Variants in RASA3 observed in about 807,000 individuals in gnomAD.
RASA3 encodes RAS p21 protein activator 3, also known as ras GTPase-activating protein 3.
RASA3 carries 73 observed loss-of-function variants against 110.0 expected under a neutral mutation model. That is an observed-to-expected ratio of 0.66 (90% CI 0.55 to 0.81). The LOEUF is 0.81. Ranked by LOEUF, RASA3 falls within the 30% of genes least tolerant of loss-of-function variation. The pLI is 0.00. For missense variants in RASA3, 976 were observed against 1,113.2 expected (o/e 0.88, Z 1.75); for synonymous variants, 500 against 451.4 (o/e 1.11, Z -1.37).
intron 1 of RASA3, among the ~76,000 whole-genome samples, chr13:114,076,550 A>ACACACGCAG (rs914026907): frequency 2.6e-5 from 4 of 151,356 alleles, no homozygotes; most frequent in African/African-American, 9.7e-5. Flanking sequence ...AGCACCGCAC[A>ACACACGCAG]CACACGCAGC....
rs1259191953 is a variant in RASA3, at chr13:114,048,596, C to T, written c.277+3456G>A. 2.6e-5 allele frequency among the ~76,000 whole-genome samples: 4 copies of T among 152,220 alleles called. No individual in the cohort carries two copies. Among genetic ancestry groups the T allele is most frequent in the Non-Finnish European group, 5.9e-5 (4 of 68,048 alleles). The stretch of plus-strand genomic sequence containing the variant: ...GGGGAGCCATAGTTTCCGGTCTGTG[C>T]TCTGTGAGGGCAGCGCCCGGCAGCC... On this transcript the variant is annotated intron_variant, in intron 3 of 23. Coordinates refer to ENST00000334062, the MANE Select transcript of RASA3 (RefSeq NM_007368.4). The surrounding 1 kb of genome is among the most constrained non-coding windows in gnomAD (Gnocchi z 4.3).
intron 7 of RASA3, among the ~76,000 whole-genome samples, chr13:114,025,612 TATCACCAGCTG>T (rs1259903436): frequency 6.6e-6 from 1 of 152,286 alleles, no homozygotes; most frequent in African/African-American, 2.4e-5. Context: ...TGCCACATCT[TATCACCAGCTG>T]ATCACCAGCA....
intron 1 of RASA3, among the ~76,000 whole-genome samples, chr13:114,106,224 G>T (rs1418008530): frequency 6.6e-6 from 1 of 152,008 alleles, no homozygotes; most frequent in African/African-American, 2.4e-5. Flanking sequence ...GTTTAATATT[G>T]AATATGTGTG....
In RASA3 at chr13:114,092,806, G is replaced by A. The variant is rs567293110; in HGVS notation, c.56-18969C>T. ...GTATTACAGTCTGTCTCTCTCTTTA[G>A]ATATATTAATATTTGCTTTATATAT... On this transcript the variant is annotated intron_variant, in intron 1 of 23. Transcript: ENST00000334062. Among the ~76,000 whole-genome samples the A allele has an allele frequency of 4.6e-5, 7 of 152,274 alleles. No individual in the cohort carries two copies. In the South Asian group the frequency reaches 1.4e-3, roughly 32 times the overall value.
chr13:114,059,782 C>T (rs1482556856), intron 2 of RASA3, among the ~76,000 whole-genome samples: 1 of 152,242 alleles, frequency 6.6e-6, no homozygotes, highest in Non-Finnish European at 1.5e-5. Context: ...CCCCGCCAGG[C>T]GTGGCTCACT....
Position 114,093,516 on chromosome 13 carries a change from G to T in RASA3, c.56-19679C>A, listed in dbSNP as rs567305390. Among the ~76,000 whole-genome samples the T allele has an allele frequency of 2.6e-5, 4 of 152,200 alleles. No homozygotes were observed. The East Asian group carries it at 5.8e-4, about 22-fold the overall frequency. Reference sequence around the variant, plus strand: ...TCTCTTTGATCTTTGAGAGTTTTTTGATTATAGTATGTCTTATTCTTATTT... The same window carrying T: ...TCTCTTTGATCTTTGAGAGTTTTTTTATTATAGTATGTCTTATTCTTATTT... On this transcript the variant is annotated intron_variant, in intron 1 of 23. Coordinates refer to ENST00000334062, the MANE Select transcript of RASA3 (RefSeq NM_007368.4).
At chr13:113,993,920 C>T (rs1364750744) in intron 21 of RASA3, among the ~76,000 whole-genome samples, 7 of 152,002 alleles carry the variant, frequency 4.6e-5, no homozygotes, top group Non-Finnish European at 1.0e-4. Flanking sequence ...CATTTGCACG[C>T]AGGTGCAACC....
At position 114,024,963 on chromosome 13, in the gene RASA3, C is replaced by A. The variant is rs527746363; in HGVS notation, c.604-608G>T. Among the ~76,000 whole-genome samples the A allele has an allele frequency of 3.4e-3, 520 of 152,302 alleles. 5 individuals carry two copies. The highest frequency in any genetic ancestry group is 0.02 in the Middle Eastern group (6 of 294). ...GTGAAGGGTCGAGGCTCCGGGACCG[C>A]CCCCCGCCAGCCAGCAGGGCCCTTG... On this transcript the variant is annotated intron_variant, in intron 7 of 23. Coordinates refer to ENST00000334062, the MANE Select transcript of RASA3 (RefSeq NM_007368.4).
At chr13:114,117,236 T>C (rs1248370829) in intron 1 of RASA3, among the ~76,000 whole-genome samples, 3 of 88,306 alleles carry the variant, frequency 3.4e-5, no homozygotes, top group South Asian at 4.1e-4. Flanking sequence ...GGTGCATGTG[T>C]GTGAGGGGTG....
At position 114,018,219 on chromosome 13, in the gene RASA3, C is replaced by T; in HGVS notation, c.976G>A (p.Glu326Lys). 1.9e-6 allele frequency: 3 copies of T among 1,553,844 alleles called. No homozygotes were observed. The highest frequency in any genetic ancestry group is 2.6e-6 in the Non-Finnish European group (3 of 1,149,050). Residue 326 changes from glutamate to lysine, a missense_variant, in exon 11 of 24, where the codon GAG (glutamate) becomes AAG (lysine). This residue lies in a region of RASA3 where 732 missense variants were observed against 779.7 expected (regional missense o/e 0.94). Transcript: ENST00000334062. ...VSASAAHILG[E>K]VCREKQEAAV... ...GCCTCCTGCTTCTCCCGGCAAACCT[C>T]GCCCAGGATGTGGGCCGCAGACGCT...
chr13:114,061,826 C>T (rs536785446), intron 2 of RASA3, among the ~76,000 whole-genome samples: 7 of 152,332 alleles, frequency 4.6e-5, no homozygotes, highest in Admixed American at 2.0e-4. Flanking sequence ...GCCCTATCCA[C>T]GGAGGCGGCA....
chr13:114,094,034 A>G (rs1043944552), intron 1 of RASA3, among the ~76,000 whole-genome samples: 1 of 152,102 alleles, frequency 6.6e-6, no homozygotes, highest in African/African-American at 2.4e-5. Context: ...CATCTCCATC[A>G]TCATGTTAGG....
At chr13:114,021,945 C>T (rs1401288043) in intron 8 of RASA3, among the ~76,000 whole-genome samples, 1 of 152,172 alleles carries the variant, frequency 6.6e-6, no homozygotes. Context: ...CCAGGAGTTG[C>T]TGTGTGCACC....
intron 3 of RASA3, among the ~76,000 whole-genome samples, chr13:114,043,662 A>C (rs1555334414): frequency 6.6e-6 from 1 of 152,070 alleles, no homozygotes; most frequent in Non-Finnish European, 1.5e-5. Context: ...TCAAGAACCA[A>C]GGGGGCCGGC....
At chr13:114,098,118 A>G (rs942945442) in intron 1 of RASA3, among the ~76,000 whole-genome samples, 2 of 152,064 alleles carry the variant, frequency 1.3e-5, no homozygotes, top group Non-Finnish European at 1.5e-5. Context: ...CAGGGCCAAA[A>G]CCCCAAGTCT....
At chr13:114,039,325 C>T (rs1187766997) in intron 4 of RASA3, among the ~76,000 whole-genome samples, 1 of 147,286 alleles carries the variant, frequency 6.8e-6, no homozygotes, top group Non-Finnish European at 1.5e-5. Flanking sequence ...TCCTGTGTCC[C>T]AGGGACGCTG....
rs933686000 is a variant in RASA3 at position 114,011,519 on chromosome 13, G to A, written c.1513-271C>T. The stretch of plus-strand genomic sequence containing the variant: ...AGCGTGCAGGGTGCATCTCAAAGTC[G>A]AAAGCATCAGGTGGGGTCATGGCTC... On this transcript the variant is annotated intron_variant, in intron 15 of 23. Coordinates refer to ENST00000334062, the MANE Select transcript of RASA3 (RefSeq NM_007368.4). The surrounding 1 kb of genome is among the most constrained non-coding windows in gnomAD (Gnocchi z 4.8). Among the ~76,000 whole-genome samples the A allele has an allele frequency of 6.6e-6, 1 of 152,092 alleles. No homozygotes were observed. The highest frequency in any genetic ancestry group is 2.4e-5 in the African/African-American group (1 of 41,424).
chr13:114,033,368 T>C (rs1021449326), intron 4 of RASA3, among the ~76,000 whole-genome samples: 40 of 7,488 alleles, frequency 5.3e-3, no homozygotes, highest in Admixed American at 0.01. Flanking sequence ...ACAGCACCCC[T>C]ACACTTGACA....
intron 1 of RASA3, among the ~76,000 whole-genome samples, chr13:114,109,770 A>C (rs1034896034): frequency 7.2e-5 from 11 of 151,848 alleles, no homozygotes; most frequent in Admixed American, 2.0e-4. Flanking sequence ...GTGGCTTCCA[A>C]AGAGACGTCA....
Sources: allele counts gnomAD v4.1 joint callset (sites outside exome capture counted in the v4.1 genomes callset), GRCh38; gene constraint gnomAD v4.1.1; regional missense constraint gnomAD v4.1.1; non-coding constraint Gnocchi (gnomAD v3.1); transcripts MANE v1.5; gene names NCBI Gene and HGNC (gene_info 2026-07-23, HGNC 2026-07-21).